KCTD14: variants seen among roughly 807,000 people sequenced by gnomAD.
KCTD14 encodes the protein BTB/POZ domain-containing protein KCTD14.
In KCTD14, 7 loss-of-function variants were observed where a neutral mutation model predicts 5.9. That is an observed-to-expected ratio of 1.19 (90% CI 0.68 to 2.23). The LOEUF (loss-of-function observed/expected upper bound fraction) is 2.23, where lower values mean the gene tolerates loss of function less well. Among genes scored for constraint, KCTD14 ranks in the 30% most tolerant of loss-of-function variants. KCTD14 has a pLI of 0.00. For synonymous variants in KCTD14, 140 were observed against 133.1 expected (o/e 1.05, Z -0.36); for missense variants, 342 against 332.2 (o/e 1.03, Z -0.23).
chr11:78,036,156 CA>C lies in KCTD14; in HGVS notation c.-1+2507del, dbSNP rs903071103. 8.1e-4 allele frequency among the ~76,000 whole-genome samples: 117 copies of C among 144,682 alleles called. No individual in the cohort carries two copies. In the Middle Eastern group the frequency reaches 0.01, roughly 13 times the overall value. 94.9% of individuals were successfully genotyped at this position (144,682 alleles called of 152,430 possible). A position where few individuals can be genotyped will look rare whatever the true frequency, so the allele number is the denominator to read the frequency against. On this transcript the variant is annotated intron_variant, in intron 2 of 2. Transcript: ENST00000533144. ...CCTGCATGACAGAATGAGACTGTCT[CA>C]AAAAAAAAACAAAAGAGTCCCTTTA...
In KCTD14 at chr11:78,017,001, C is replaced by T. The variant is rs372696351; in HGVS notation, c.360G>A (p.Lys120=). ...AQFYEIKPLV[K]LLEDMPQIFG... Reference sequence around the variant, plus strand: ...AGATCTGTGGCATGTCCTCCAGCAGCTTGACCAAAGGCTTGATTTCGTAGA... The same window carrying T: ...AGATCTGTGGCATGTCCTCCAGCAGTTTGACCAAAGGCTTGATTTCGTAGA... Residue 120 remains lysine, a synonymous_variant, in exon 2 of 2, where the codon AAG becomes AAA. Coordinates refer to ENST00000353172, the MANE Select transcript of KCTD14 (RefSeq NM_023930.4). 5.0e-6 allele frequency: 8 copies of T among 1,614,112 alleles called. No homozygotes were observed. Among genetic ancestry groups the T allele is most frequent in the Non-Finnish European group, 5.9e-6 (7 of 1,180,052 alleles).
chr11:78,022,626 C>T (rs971292717), intron 1 of KCTD14, among the ~76,000 whole-genome samples: 15 of 152,094 alleles, frequency 9.9e-5, no homozygotes, highest in Non-Finnish European at 2.1e-4. Flanking sequence ...CATCCTCCTC[C>T]CCAACTCCCC....
rs557002215 is a variant in KCTD14, at chr11:78,035,582, G to A, written c.-1+3082C>T. ...TTATGGGCCAGGCGCGGTGGCTCAC[G>A]CCTGTAATCCTAGCACTTTGGGAGG... On this transcript the variant is annotated intron_variant, in intron 2 of 2. Transcript: ENST00000533144. 2.6e-5 allele frequency among the ~76,000 whole-genome samples: 4 copies of A among 152,150 alleles called. No individual in the cohort carries two copies. The South Asian group carries it at 6.2e-4, about 24-fold the overall frequency.
chr11:78,040,616 G>A (rs1857965206), intron 1 of KCTD14, among the ~76,000 whole-genome samples: 1 of 151,476 alleles, frequency 6.6e-6, no homozygotes, highest in Non-Finnish European at 1.5e-5. Context: ...CCTTCCCCAG[G>A]GAGAGAAGGC....
chr11:78,045,743 G>C (rs1204337336), intron 1 of KCTD14, among the ~76,000 whole-genome samples: 1 of 152,120 alleles, frequency 6.6e-6, no homozygotes, highest in African/African-American at 2.4e-5. Context: ...AGCAGCCCTG[G>C]GGGAGACAGC....
At chr11:78,026,861 G>A (rs892028897), upstream of KCTD14, among the ~76,000 whole-genome samples, 2 of 152,146 alleles carry the variant, frequency 1.3e-5, no homozygotes, top group Non-Finnish European at 2.9e-5. Context: ...CACTTTGAGA[G>A]GCCAAGGTGG....
At chr11:78,028,674 C>T (rs1436116738) in intron 2 of KCTD14, among the ~76,000 whole-genome samples, 1 of 150,890 alleles carries the variant, frequency 6.6e-6, no homozygotes, top group Non-Finnish European at 1.5e-5. Context: ...GGCATGGTGA[C>T]TCACACCTGT....
chr11:78,025,543 C>T (rs901069207), upstream of KCTD14, among the ~76,000 whole-genome samples: 1 of 152,252 alleles, frequency 6.6e-6, no homozygotes, highest in East Asian at 1.9e-4. Flanking sequence ...TATTAACCAT[C>T]ACATTGACCC....
chr11:78,037,489 T>A (rs1857840754), intron 2 of KCTD14, among the ~76,000 whole-genome samples: 2 of 152,104 alleles, frequency 1.3e-5, no homozygotes, highest in African/African-American at 4.8e-5. Context: ...CTGGTGCCAA[T>A]AAAGAAGGGA....
intron 1 of KCTD14, among the ~76,000 whole-genome samples, chr11:78,019,372 G>T (rs1334969502): frequency 6.6e-6 from 1 of 151,938 alleles, no homozygotes; most frequent in Non-Finnish European, 1.5e-5. Context: ...GACTGGGTGT[G>T]CAGTGGCATG....
chr11:78,028,534 C>T (rs1262484744), intron 2 of KCTD14, among the ~76,000 whole-genome samples: 4 of 147,528 alleles, frequency 2.7e-5, no homozygotes, highest in Non-Finnish European at 4.4e-5. Flanking sequence ...ATCCGGGAGG[C>T]GGAGGTTGCA....
At chr11:78,023,778 G>C (rs1042634500), upstream of KCTD14, 1 of 154,394 alleles carries the variant, frequency 6.5e-6, no homozygotes, top group Non-Finnish European at 1.4e-5. Context: ...TCTGGGCCTC[G>C]GAGTTCCCAG....
chr11:78,031,092 G>C (rs1202394330), intron 2 of KCTD14, among the ~76,000 whole-genome samples: 1 of 139,014 alleles, frequency 7.2e-6, no homozygotes, highest in Non-Finnish European at 1.5e-5. Flanking sequence ...CTGTCACCCA[G>C]ACTCTAGGCT....
intron 1 of KCTD14, among the ~76,000 whole-genome samples, chr11:78,044,756 G>A (rs1040703922): frequency 6.6e-6 from 1 of 152,136 alleles, no homozygotes; most frequent in African/African-American, 2.4e-5. Context: ...AAAAGTTTTA[G>A]AGCAGGAACA....
intron 1 of KCTD14, among the ~76,000 whole-genome samples, chr11:78,039,823 C>T (rs1456556145): frequency 6.6e-6 from 1 of 151,928 alleles, no homozygotes; most frequent in Non-Finnish European, 1.5e-5. Flanking sequence ...CTCTTCTGTA[C>T]CACTTTTTAA....
In KCTD14 at chr11:78,016,761, C is replaced by T; in HGVS notation, c.600G>A (p.Lys200=). Residue 200 remains lysine, a synonymous_variant, in exon 2 of 2, where the codon AAG becomes AAA. Coordinates refer to ENST00000353172, the MANE Select transcript of KCTD14 (RefSeq NM_023930.4). Reference sequence around the variant, plus strand: ...CTAGGACCGCCTTCCAGGGCCCAAACTTGACAACAGACTTGAACATCTTCT... The same window carrying T: ...CTAGGACCGCCTTCCAGGGCCCAAATTTGACAACAGACTTGAACATCTTCT... ...QDKKMFKSVV[K]FGPWKAVLDN... is the part of the protein sequence containing the mutation. The T allele has an allele frequency of 2.5e-6, 4 of 1,614,206 alleles. No individual in the cohort carries two copies. Among genetic ancestry groups the T allele is most frequent in the Non-Finnish European group, 3.4e-6 (4 of 1,180,026 alleles).
chr11:78,042,302 A>C (rs971032211), intron 1 of KCTD14, among the ~76,000 whole-genome samples: 1 of 152,178 alleles, frequency 6.6e-6, no homozygotes, highest in Non-Finnish European at 1.5e-5. Context: ...GAGGTCAGGA[A>C]TTCCAGATCA....
upstream of KCTD14, among the ~76,000 whole-genome samples, chr11:78,025,116 G>GTATA (rs771771645): frequency 6.0e-3 from 409 of 68,420 alleles, 1 homozygote; most frequent in Middle Eastern, 7.1e-3. Flanking sequence ...GTGTGTGTGT[G>GTATA]TGTATATATA....
chr11:78,036,826 G>A (rs1403932997), intron 2 of KCTD14, among the ~76,000 whole-genome samples: 1 of 152,234 alleles, frequency 6.6e-6, no homozygotes, highest in Non-Finnish European at 1.5e-5. Flanking sequence ...CTGGTGCTGA[G>A]CACATGTGGC....
Sources: allele counts gnomAD v4.1 joint callset (sites outside exome capture counted in the v4.1 genomes callset), GRCh38; gene constraint gnomAD v4.1.1; transcripts MANE v1.5; gene names NCBI Gene and HGNC (gene_info 2026-07-23, HGNC 2026-07-21).